CSMD3: variants seen among roughly 807,000 people sequenced by gnomAD.
CSMD3 encodes CUB and Sushi multiple domains 3.
In CSMD3, 177 loss-of-function variants were observed where a neutral mutation model predicts 435.2. That is an observed-to-expected ratio of 0.41 (90% CI 0.36 to 0.46). The LOEUF (loss-of-function observed/expected upper bound fraction) is 0.46. CSMD3 is among the 20% of genes least tolerant of loss of function. CSMD3 has a pLI of 0.34. For synonymous variants in CSMD3, 1,656 were observed against 1,520.5 expected (o/e 1.09, Z -2.07); for missense variants, 4,265 against 4,504.6 (o/e 0.95, Z 1.52).
rs577182052 is a variant in CSMD3, at chr8:113,048,575, G to A, written c.918-29396C>T. On this transcript the variant is annotated intron_variant, in intron 5 of 70. Coordinates refer to ENST00000297405, the MANE Select transcript of CSMD3 (RefSeq NM_198123.2). ...TGAAAGAATACTCTAGATTAAAAAAGAAAGATTACATTTGAATAATTACAT... is the reference window on the plus strand; with the variant it reads ...TGAAAGAATACTCTAGATTAAAAAAAAAAGATTACATTTGAATAATTACAT... 4.0e-4 allele frequency among the ~76,000 whole-genome samples: 61 copies of A among 152,008 alleles called. No homozygotes were observed. The East Asian group carries it at 0.01, about 26-fold the overall frequency.
At chr8:112,837,300 C>T (rs2080054594) in intron 11 of CSMD3, among the ~76,000 whole-genome samples, 2 of 151,688 alleles carry the variant, frequency 1.3e-5, no homozygotes, top group Non-Finnish European at 3.0e-5. Flanking sequence ...ATTAGTACAA[C>T]ATTCAAATTA....
intron 14 of CSMD3, among the ~76,000 whole-genome samples, chr8:112,688,048 T>C (rs1005053289): frequency 6.6e-6 from 1 of 152,164 alleles, no homozygotes; most frequent in African/African-American, 2.4e-5. Flanking sequence ...TACGATCTCC[T>C]TTGCAACTAT....
chr8:113,166,672 T>G (rs935899981), intron 4 of CSMD3, among the ~76,000 whole-genome samples: 6 of 152,280 alleles, frequency 3.9e-5, no homozygotes, highest in Non-Finnish European at 8.8e-5. Flanking sequence ...GATCCACACC[T>G]AATTTTTAGG....
chr8:113,290,317 C>T (rs67684439), intron 2 of CSMD3, among the ~76,000 whole-genome samples: 15,761 of 151,566 alleles, frequency 0.1, 956 homozygotes, highest in Middle Eastern at 0.17. Flanking sequence ...AAAGAAACTA[C>T]TATAGTTTCA....
intron 2 of CSMD3, among the ~76,000 whole-genome samples, chr8:113,295,229 G>A (rs1371188867): frequency 4.6e-5 from 7 of 152,008 alleles, no homozygotes; most frequent in Admixed American, 2.0e-4. Flanking sequence ...ATAAATTATT[G>A]TTGACTGTAA....
At chr8:113,176,427 C>T (rs1475351312) in intron 3 of CSMD3, among the ~76,000 whole-genome samples, 2 of 151,996 alleles carry the variant, frequency 1.3e-5, no homozygotes, top group Admixed American at 6.6e-5. Flanking sequence ...TTTTCAAAGG[C>T]AAAGCAAGTA....
intron 1 of CSMD3, among the ~76,000 whole-genome samples, chr8:113,355,747 T>TACACACAC (rs1435607560): frequency 4.6e-5 from 4 of 87,508 alleles, no homozygotes; most frequent in African/African-American, 2.1e-4. Context: ...TATATATATA[T>TACACACAC]ATACACACAC....
chr8:112,437,309 G>T (rs1461608007), intron 32 of CSMD3, among the ~76,000 whole-genome samples: 2 of 152,022 alleles, frequency 1.3e-5, no homozygotes, highest in African/African-American at 2.4e-5. Context: ...AACACATTTT[G>T]TTACATTTCA....
At chr8:112,727,576 T>C (rs1461861294) in intron 13 of CSMD3, among the ~76,000 whole-genome samples, 2 of 151,758 alleles carry the variant, frequency 1.3e-5, no homozygotes, top group Non-Finnish European at 2.9e-5. Flanking sequence ...AGTTTGCAAA[T>C]TGGCTTTTAA....
chr8:112,322,079 A>G (rs1823044233), intron 45 of CSMD3, among the ~76,000 whole-genome samples: 1 of 152,284 alleles, frequency 6.6e-6, no homozygotes, highest in East Asian at 1.9e-4. Flanking sequence ...TGATCTTACC[A>G]GAGAATAGAG....
At chr8:112,360,553 C>CAAATGGT (rs59784885) in intron 38 of CSMD3, among the ~76,000 whole-genome samples, 5,057 of 151,736 alleles carry the variant, frequency 0.033, 275 homozygotes, top group African/African-American at 0.12. Flanking sequence ...GTAAATATGC[C>CAAATGGT]AAATGGTGGT....
chr8:113,210,044 G>GTGTGTA (rs57446626), intron 3 of CSMD3, among the ~76,000 whole-genome samples: 8,999 of 149,296 alleles, frequency 0.06, 347 homozygotes, highest in Non-Finnish European at 0.085. Flanking sequence ...GTGTGTGTGT[G>GTGTGTA]TGATACACAG....
At chr8:113,393,748 C>T (rs2094471350) in intron 1 of CSMD3, among the ~76,000 whole-genome samples, 2 of 152,036 alleles carry the variant, frequency 1.3e-5, no homozygotes, top group Admixed American at 1.3e-4. Flanking sequence ...AACTCTTCTA[C>T]ACATGGACAT....
chr8:113,338,527 T>G (rs1234731211), intron 1 of CSMD3, among the ~76,000 whole-genome samples: 2 of 151,944 alleles, frequency 1.3e-5, no homozygotes, highest in Non-Finnish European at 2.9e-5. Flanking sequence ...ATTCATACAA[T>G]AGAATACTAT....
chr8:112,992,605 G>C (rs993093013), intron 6 of CSMD3, among the ~76,000 whole-genome samples: 1 of 151,874 alleles, frequency 6.6e-6, no homozygotes, highest in Non-Finnish European at 1.5e-5. Flanking sequence ...GAAGAAAACA[G>C]CATGGTATGT....
At chr8:113,129,687 C>T (rs2091234974) in intron 4 of CSMD3, among the ~76,000 whole-genome samples, 1 of 152,102 alleles carries the variant, frequency 6.6e-6, no homozygotes, top group Admixed American at 6.6e-5. Context: ...AGAGAGCCAG[C>T]TATCCCAAGG....
rs181809334 is a variant in CSMD3 at position 112,264,756 on chromosome 8, C to T, written c.9688+655G>A. Among the ~76,000 whole-genome samples the T allele has an allele frequency of 1.7e-3, 260 of 151,824 alleles. 2 individuals carry two copies. Among genetic ancestry groups the T allele is most frequent in the Non-Finnish European group, 1.9e-3 (128 of 67,916 alleles). ...ATTCACATTTAAATAGAAACGTAAACGAAAAATCTTAAATATTAAAAATCT... is the reference window on the plus strand; with the variant it reads ...ATTCACATTTAAATAGAAACGTAAATGAAAAATCTTAAATATTAAAAATCT... On this transcript the variant is annotated intron_variant, in intron 60 of 70. Coordinates refer to ENST00000297405, the MANE Select transcript of CSMD3 (RefSeq NM_198123.2).
intron 1 of CSMD3, among the ~76,000 whole-genome samples, chr8:113,434,078 C>T (rs781339123): frequency 2.6e-5 from 4 of 152,186 alleles, no homozygotes; most frequent in Non-Finnish European, 4.4e-5. Flanking sequence ...TACCTAAGAC[C>T]ACTTTATCTT....
At chr8:112,755,278 C>T (rs754595903) in intron 13 of CSMD3, among the ~76,000 whole-genome samples, 32 of 151,434 alleles carry the variant, frequency 2.1e-4, no homozygotes, top group Non-Finnish European at 4.0e-4. Flanking sequence ...TTGCAGTGAG[C>T]CGAGATTGCG....
Sources: gnomAD v4.1 joint callset for allele counts (sites outside exome capture counted in the v4.1 genomes callset) on GRCh38, gnomAD v4.1.1 for gene constraint, MANE v1.5 for transcripts, NCBI Gene and HGNC (gene_info 2026-07-23, HGNC 2026-07-21) for gene names.